The following GRIN2B variants were observed in gnomAD, a reference collection of about 807,000 sequenced individuals.
The protein encoded by GRIN2B is glutamate ionotropic receptor NMDA type subunit 2B.
A neutral mutation model predicts 114.5 loss-of-function variants in GRIN2B; 5 were observed. That is an observed-to-expected ratio of 0.04 (90% CI 0.02 to 0.09). GRIN2B has a LOEUF of 0.09. Among genes scored for constraint, GRIN2B ranks in the 10% least tolerant of loss-of-function variants. The pLI, the probability that GRIN2B is intolerant of heterozygous loss-of-function variation, is 1.00. For synonymous variants in GRIN2B, 787 were observed against 745.1 expected (o/e 1.06, Z -0.92); for missense variants, 1,108 against 1,943.5 (o/e 0.57, Z 8.08).
chr12:13,763,150 C>T (rs73053648), intron 3 of GRIN2B, among the ~76,000 whole-genome samples: 15,290 of 152,122 alleles, frequency 0.1, 996 homozygotes, highest in Non-Finnish European at 0.15. Context: ...AACAACTTGT[C>T]AGCACCTGCA....
At chr12:13,662,715 C>T (rs1949936525) in intron 5 of GRIN2B, among the ~76,000 whole-genome samples, 1 of 152,082 alleles carries the variant, frequency 6.6e-6, no homozygotes, top group Non-Finnish European at 1.5e-5. Context: ...ACCCAATCGG[C>T]CTCGTGTCAG....
intron 2 of GRIN2B, among the ~76,000 whole-genome samples, chr12:13,951,873 G>C (rs1247401916): frequency 1.3e-5 from 2 of 152,108 alleles, no homozygotes; most frequent in Non-Finnish European, 2.9e-5. Flanking sequence ...GGGATAAATA[G>C]ACTTTATTGG....
chr12:13,738,717 T>C (rs576777443), intron 4 of GRIN2B, among the ~76,000 whole-genome samples: 1 of 152,048 alleles, frequency 6.6e-6, no homozygotes, highest in South Asian at 2.1e-4. Flanking sequence ...TTTTACCCTA[T>C]TCTGATAACC....
At chr12:13,876,439 T>G (rs1345206353) in intron 2 of GRIN2B, among the ~76,000 whole-genome samples, 3 of 152,196 alleles carry the variant, frequency 2.0e-5, no homozygotes, top group Non-Finnish European at 4.4e-5. Context: ...GTCAAAGAAC[T>G]TCTGCCCTCC....
intron 4 of GRIN2B, among the ~76,000 whole-genome samples, chr12:13,722,995 T>C (rs75064737): frequency 0.021 from 3,270 of 152,176 alleles, 54 homozygotes; most frequent in Non-Finnish European, 0.036. Flanking sequence ...TGTCCAGCTA[T>C]AGCTTCTTGC....
chr12:13,783,784 A>C (rs1168484347), intron 3 of GRIN2B, among the ~76,000 whole-genome samples: 1 of 152,230 alleles, frequency 6.6e-6, no homozygotes, highest in Non-Finnish European at 1.5e-5. Flanking sequence ...TGCTCCAAGC[A>C]GCAGAACTCT....
chr12:13,568,385 G>A (rs1948667512), intron 12 of GRIN2B, among the ~76,000 whole-genome samples: 1 of 152,118 alleles, frequency 6.6e-6, no homozygotes, highest in Admixed American at 6.5e-5. Context: ...TCTGACTAAA[G>A]TTTTGGCAAC....
At chr12:13,581,562 G>A (rs1161917737) in intron 10 of GRIN2B, among the ~76,000 whole-genome samples, 1 of 152,182 alleles carries the variant, frequency 6.6e-6, no homozygotes, top group Non-Finnish European at 1.5e-5. Flanking sequence ...CTGTTCCATG[G>A]CCCATAAGTG....
chr12:13,585,480 G>A (rs1310916936), intron 10 of GRIN2B, among the ~76,000 whole-genome samples: 1 of 152,118 alleles, frequency 6.6e-6, no homozygotes, highest in Admixed American at 6.5e-5. Context: ...CCTATGCGAG[G>A]GACACTCCGG....
At chr12:13,933,272 C>T (rs1371240276) in intron 2 of GRIN2B, among the ~76,000 whole-genome samples, 1 of 152,196 alleles carries the variant, frequency 6.6e-6, no homozygotes, top group African/African-American at 2.4e-5. Flanking sequence ...TCCCTGCCAG[C>T]ACCCCGACTG....
intron 3 of GRIN2B, among the ~76,000 whole-genome samples, chr12:13,755,137 C>T (rs1456644292): frequency 1.3e-5 from 2 of 152,186 alleles, no homozygotes; most frequent in African/African-American, 4.8e-5. Context: ...GGGGCAGTTC[C>T]TTCTTATCCT....
At chr12:13,783,431 G>GGTTTGGTTTTGTTTT (rs1555139060) in intron 3 of GRIN2B, among the ~76,000 whole-genome samples, 8 of 149,632 alleles carry the variant, frequency 5.3e-5, no homozygotes, top group Non-Finnish European at 7.4e-5. Context: ...AACGGAAATA[G>GGTTTGGTTTTGTTTT]GTTTTGTTTT....
At chr12:13,631,413 A>G (rs1341466836) in intron 5 of GRIN2B, among the ~76,000 whole-genome samples, 1 of 152,206 alleles carries the variant, frequency 6.6e-6, no homozygotes, top group Non-Finnish European at 1.5e-5. Context: ...ATACCCTCAT[A>G]TAGGTTTGAG....
At position 13,553,324 on chromosome 12, in the gene GRIN2B, TA is replaced by T. The variant is rs1050858500; in HGVS notation, c.*9458del. The T allele has an allele frequency of 1.3e-5, 2 of 151,946 alleles. No individual in the cohort carries two copies. Among genetic ancestry groups the T allele is most frequent in the African/African-American group, 4.8e-5 (2 of 41,326 alleles). 9.4% of individuals were successfully genotyped at this position (151,946 alleles called of 1,614,324 possible). On this transcript the variant is annotated 3_prime_UTR_variant, in exon 14 of 14. Coordinates refer to ENST00000609686, the MANE Select transcript of GRIN2B (RefSeq NM_000834.5). ...CCCTTTATATTTACAGAGAAAGGAG[TA>T]GTTTAGAGACTAGCATTCTCTCTGA...
chr12:13,684,933 T>C (rs1049470006), intron 4 of GRIN2B, among the ~76,000 whole-genome samples: 2 of 152,126 alleles, frequency 1.3e-5, no homozygotes, highest in Non-Finnish European at 2.9e-5. Flanking sequence ...GGAAAAACTA[T>C]TCAGGGGCTA....
At position 13,686,860 on chromosome 12, in the gene GRIN2B, A is replaced by G. The variant is rs1380120676; in HGVS notation, c.1011-11001T>C. Among the ~76,000 whole-genome samples the G allele has an allele frequency of 2.6e-5, 4 of 152,284 alleles. No individual in the cohort carries two copies. The East Asian group carries it at 5.8e-4, about 22-fold the overall frequency. ...ACCTCATGTTGAAATTTGAACCCCAATATTGGAGGTGGAGCCTAATGGAAG... is the reference window on the plus strand; with the variant it reads ...ACCTCATGTTGAAATTTGAACCCCAGTATTGGAGGTGGAGCCTAATGGAAG... On this transcript the variant is annotated intron_variant, in intron 4 of 13. Transcript: ENST00000609686.
chr12:13,812,388 C>A (rs1346800008), intron 3 of GRIN2B, among the ~76,000 whole-genome samples: 1 of 152,146 alleles, frequency 6.6e-6, no homozygotes, highest in Non-Finnish European at 1.5e-5. Context: ...TGCATTTGGA[C>A]TGAATTTTAT....
chr12:13,890,746 C>T (rs1866245273), intron 2 of GRIN2B, among the ~76,000 whole-genome samples: 1 of 152,114 alleles, frequency 6.6e-6, no homozygotes, highest in Non-Finnish European at 1.5e-5. Flanking sequence ...TAGGATTGAA[C>T]ATGGAAGGGC....
rs12301745 is a variant in GRIN2B, at chr12:13,637,916, G to C, written c.1126-21259C>G. Among the ~76,000 whole-genome samples, 808 of 152,208 alleles carry C rather than the reference G, an allele frequency of 5.3e-3. 6 individuals carry two copies. The highest frequency in any genetic ancestry group is 0.019 in the African/African-American group (773 of 41,536). On this transcript the variant is annotated intron_variant, in intron 5 of 13. Coordinates refer to ENST00000609686, the MANE Select transcript of GRIN2B (RefSeq NM_000834.5). ...GTTTCACCAACTCAAACAGAGCTTG[G>C]TTAAGAGTCTAGGCCAAAATGCTGT...
Sources: gnomAD v4.1 joint callset for allele counts (sites outside exome capture counted in the v4.1 genomes callset) on GRCh38, gnomAD v4.1.1 for gene constraint, MANE v1.5 for transcripts, NCBI Gene and HGNC (gene_info 2026-07-23, HGNC 2026-07-21) for gene names.